The following GCFC2 variants were observed in gnomAD, a reference collection of about 807,000 sequenced individuals.
The protein encoded by GCFC2 is GC-rich sequence DNA-binding factor 2.
GCFC2 carries 102 observed loss-of-function variants against 99.4 expected under a neutral mutation model. That is an observed-to-expected ratio of 1.03 (90% CI 0.87 to 1.21). The LOEUF is 1.21. Among genes scored for constraint, GCFC2 ranks in the 50% most tolerant of loss-of-function variants. The probability of loss-of-function intolerance (pLI) is 0.00; values close to 1 mark genes in which losing one functional copy is unlikely to be tolerated. For synonymous variants in GCFC2, 338 were observed against 316.8 expected (o/e 1.07, Z -0.71); for missense variants, 973 against 920.9 (o/e 1.06, Z -0.73).
At chr2:75,681,396 G>A (rs1387612204) in intron 11 of GCFC2, among the ~76,000 whole-genome samples, 1 of 149,592 alleles carries the variant, frequency 6.7e-6, no homozygotes, top group African/African-American at 2.6e-5. Flanking sequence ...GTGCACTCCA[G>A]CCCAGATACT....
At chr2:75,673,314 A>G in intron 13 of GCFC2, 130 bp downstream of exon 13, 8 of 578,356 alleles carry the variant, frequency 1.4e-5, no homozygotes, top group Non-Finnish European at 2.2e-5. Flanking sequence ...TCTCAAAAGA[A>G]AAAAAAAAAA....
At chr2:75,696,454 C>T in intron 4 of GCFC2, 139 bp from the exon 5 acceptor site, 1 of 464,948 alleles carries the variant, frequency 2.2e-6, no homozygotes, top group Non-Finnish European at 3.9e-6. Flanking sequence ...TTCATGGTCC[C>T]AATAAAATGT....
At chr2:75,690,284 T>G (rs887226728) in intron 8 of GCFC2, among the ~76,000 whole-genome samples, 3 of 152,184 alleles carry the variant, frequency 2.0e-5, no homozygotes, top group African/African-American at 7.2e-5. Context: ...TTGGTGGTTC[T>G]GCATTTTTTG....
intron 3 of GCFC2, 159 bp downstream of exon 3, chr2:75,702,040 C>T (rs1277308436): frequency 9.8e-6 from 14 of 1,422,542 alleles, no homozygotes; most frequent in Non-Finnish European, 1.3e-5. Flanking sequence ...GATACAGATA[C>T]ATCTTTTAGA....
chr2:75,685,744 G>A (rs1016734545), intron 11 of GCFC2, among the ~76,000 whole-genome samples: 2 of 151,916 alleles, frequency 1.3e-5, no homozygotes, highest in African/African-American at 4.8e-5. Context: ...CCTTCTGACT[G>A]GACCTCCCCC....
At chr2:75,699,916 A>G (rs1391040014) in intron 4 of GCFC2, among the ~76,000 whole-genome samples, 1 of 142,852 alleles carries the variant, frequency 7.0e-6, no homozygotes, top group Admixed American at 6.9e-5. Context: ...TTTTTTCTTA[A>G]ATGAGACAGG....
chr2:75,664,611 C>A lies in GCFC2; in HGVS notation c.*55G>T. 1.3e-6 allele frequency: 1 copy of A among 784,908 alleles called. No individual in the cohort carries two copies. Among genetic ancestry groups the A allele is most frequent in the Admixed American group, 2.2e-5 (1 of 45,940 alleles). The allele number at this position is 784,908 out of a possible 1,614,324, so 48.6% of individuals were successfully genotyped here. A position where few individuals can be genotyped will look rare whatever the true frequency, so the allele number is the denominator to read the frequency against. ...AGAGAGGCACCAGCTTCTTCTCAAA[C>A]AAAGGAACTGAGTGTAACTATATTA... On this transcript the variant is annotated 3_prime_UTR_variant, in exon 17 of 17. Transcript: ENST00000321027.
intron 13 of GCFC2, among the ~76,000 whole-genome samples, chr2:75,673,166 C>G (rs567238658): frequency 6.6e-5 from 10 of 152,162 alleles, no homozygotes; most frequent in South Asian, 6.2e-4. Flanking sequence ...AAAAATTAGC[C>G]GGGCGTGGTG....
rs552907151 is a variant in GCFC2, at chr2:75,710,592, T to C, written c.264A>G (p.Ser88=). The change falls in exon 1 of 17, where the codon TCA becomes TCG. Residue 88 remains serine (S), a splice_region_variant and synonymous_variant. Transcript: ENST00000321027. ...TKAAPRADEG[S]ESRTLDVSTD... ...GCTTCCCCGCGTCTCCCTGGACACC[T>C]GAGCCTTCGTCCGCGCGGGGAGCCG... 2.0e-6 allele frequency: 3 copies of C among 1,512,972 alleles called. No homozygotes were observed. Among genetic ancestry groups the C allele is most frequent in the Non-Finnish European group, 2.6e-6 (3 of 1,137,716 alleles). The allele number at this position is 1,512,972 out of a possible 1,614,324, so 93.7% of individuals were successfully genotyped here.
chr2:75,680,084 A>C, intron 12 of GCFC2, 109 bp downstream of exon 12: 1 of 721,580 alleles, frequency 1.4e-6, no homozygotes, highest in South Asian at 2.7e-5. Context: ...GTTTTCCCCC[A>C]AACAGTTTTC....
chr2:75,699,952 G>A (rs1319786227), intron 4 of GCFC2, among the ~76,000 whole-genome samples: 4 of 150,530 alleles, frequency 2.7e-5, no homozygotes, highest in African/African-American at 9.8e-5. Flanking sequence ...CCACGCTGAA[G>A]CGCAGTGGCG....
intron 12 of GCFC2, among the ~76,000 whole-genome samples, chr2:75,676,640 T>G (rs955139061): frequency 1.3e-5 from 2 of 152,220 alleles, no homozygotes; most frequent in Non-Finnish European, 2.9e-5. Flanking sequence ...GAAACTCCCA[T>G]GTACCTGTTT....
intron 15 of GCFC2, among the ~76,000 whole-genome samples, chr2:75,667,775 G>A (rs1403480787): frequency 6.6e-6 from 1 of 152,168 alleles, no homozygotes; most frequent in Admixed American, 6.5e-5. Context: ...TGGAAAGAAT[G>A]CTGTGTAAAT....
chr2:75,671,721 T>C (rs1679096146), intron 14 of GCFC2, among the ~76,000 whole-genome samples: 1 of 151,956 alleles, frequency 6.6e-6, no homozygotes, highest in Non-Finnish European at 1.5e-5. Flanking sequence ...TTATATGACA[T>C]TCAAATTTCA....
At chr2:75,690,795 A>T (rs1344003257) in intron 7 of GCFC2, 76 bp from the exon 8 acceptor site, 1 of 747,208 alleles carries the variant, frequency 1.3e-6, no homozygotes, top group East Asian at 2.5e-5. Flanking sequence ...AATAAAGGTA[A>T]TATCATGGAT....
At chr2:75,697,167 T>A (rs1680365248) in intron 4 of GCFC2, among the ~76,000 whole-genome samples, 1 of 152,208 alleles carries the variant, frequency 6.6e-6, no homozygotes, top group Non-Finnish European at 1.5e-5. Flanking sequence ...ATGTTTCACA[T>A]TAGTGTCCTC....
At chr2:75,688,244 C>T (rs13405029) in intron 10 of GCFC2, among the ~76,000 whole-genome samples, 1 of 152,020 alleles carries the variant, frequency 6.6e-6, no homozygotes, top group Non-Finnish European at 1.5e-5. Flanking sequence ...TGTGCCGGAG[C>T]CTTTAGACCC....
chr2:75,680,304 T>C lies in GCFC2; in HGVS notation c.1701A>G (p.Glu567=), dbSNP rs753441521. ...AGGTTGACAAAGGATCCCAAAGGAATTCTACAAAGTCTGAAACAAATATTT... is the reference window on the plus strand; with the variant it reads ...AGGTTGACAAAGGATCCCAAAGGAACTCTACAAAGTCTGAAACAAATATTT... ...TIIPRLTDFV[E]FLWDPLSTSQ... Residue 567 remains glutamate, a synonymous_variant, in exon 12 of 17, where the codon GAA becomes GAG. Transcript: ENST00000321027. 4 of 1,610,618 alleles carry C rather than the reference T, an allele frequency of 2.5e-6. No homozygotes were observed. Among genetic ancestry groups the C allele is most frequent in the Middle Eastern group, 1.7e-4 (1 of 6,048 alleles).
In GCFC2 at chr2:75,680,206, C is replaced by T. The variant is rs754728212; in HGVS notation, c.1799G>A (p.Ser600Asn). The T allele has an allele frequency of 3.1e-6, 5 of 1,604,104 alleles. No homozygotes were observed. In the African/African-American group the frequency reaches 6.7e-5, roughly 21 times the overall value. The part of the protein sequence containing the change: ...EEHSTCENEV[S>N]KSRQDLLKSI... The stretch of plus-strand genomic sequence containing the variant: ...AGAAATTATTACCTGTCTGCTTTTA[C>T]TAACTTCATTTTCACAAGTGGAATG... The change falls in exon 12 of 17, where the codon AGT (serine) becomes AAT (asparagine). Residue 600 changes from serine to asparagine, a missense_variant. Ser to Asn is a conservative substitution (Grantham distance 46, BLOSUM62 1). Transcript: ENST00000321027.
Sources: gnomAD v4.1 joint callset for allele counts (sites outside exome capture counted in the v4.1 genomes callset) on GRCh38, gnomAD v4.1.1 for gene constraint, MANE v1.5 for transcripts, NCBI Gene and HGNC (gene_info 2026-07-23, HGNC 2026-07-21) for gene names.